The following RTF1 variants were observed in gnomAD, a reference collection of about 807,000 sequenced individuals.
RTF1 encodes the protein RTF1 homolog, Paf1/RNA polymerase II complex component, also known as RNA polymerase-associated protein RTF1 homolog.
In RTF1, 10 loss-of-function variants were observed where a neutral mutation model predicts 95.7. The observed-to-expected ratio is 0.10, with a 90% confidence interval of 0.06 to 0.18. The LOEUF (loss-of-function observed/expected upper bound fraction) is 0.18, where lower values mean the gene tolerates loss of function less well. RTF1 is among the 10% of genes least tolerant of loss of function. RTF1 has a pLI of 1.00. For synonymous variants in RTF1, 305 were observed against 311.8 expected, an observed-to-expected ratio of 0.98 and a Z score of 0.23; for missense variants, 458 against 875.6, an observed-to-expected ratio of 0.52 and a Z score of 6.02.
chr15:41,464,810 A>G lies in RTF1; in HGVS notation c.702A>G (p.Lys234=). The change falls in exon 5 of 18, where the codon AAA becomes AAG. Residue 234 remains lysine, a synonymous_variant. Coordinates refer to ENST00000389629, the MANE Select transcript of RTF1 (RefSeq NM_015138.5). ...AAAAACTAAAAACAGCCAAAAAGAA[A>G]GAAAAGAAAGAAAAGAAGAAAAAGC... ...IKKKLKTAKK[K]EKKEKKKKQE... 1.2e-5 allele frequency: 19 copies of G among 1,564,214 alleles called. No individual in the cohort carries two copies. The highest frequency in any genetic ancestry group is 1.6e-5 in the Non-Finnish European group (18 of 1,156,944).
chr15:41,463,773 T>G (rs974576046), intron 4 of RTF1, among the ~76,000 whole-genome samples: 1 of 151,702 alleles, frequency 6.6e-6, no homozygotes, highest in African/African-American at 2.4e-5. Flanking sequence ...TGAGCCACCG[T>G]GCCTGGCCTC....
At chr15:41,463,891 C>T (rs533157656) in intron 4 of RTF1, among the ~76,000 whole-genome samples, 16 of 152,206 alleles carry the variant, frequency 1.1e-4, no homozygotes, top group African/African-American at 3.6e-4. Context: ...CTCACTCTGT[C>T]GCCAGGCTGG....
Position 41,475,708 on chromosome 15 carries a change from C to T in RTF1, c.1375-4C>T, listed in dbSNP as rs200746683. On this transcript the variant is annotated splice_polypyrimidine_tract_variant and splice_region_variant and intron_variant, in intron 10 of 17. Coordinates refer to ENST00000389629, the MANE Select transcript of RTF1 (RefSeq NM_015138.5). ...AATAATCTCGTATCGTGTTTTTGAT[C>T]CAGATGTTCTCTGCTGGCATGCAGT... 4 of 1,606,776 alleles carry T rather than the reference C, an allele frequency of 2.5e-6. No individual in the cohort carries two copies. Among genetic ancestry groups the T allele is most frequent in the Non-Finnish European group, 3.4e-6 (4 of 1,173,958 alleles).
chr15:41,456,882 G>C (rs1047894773), intron 3 of RTF1, among the ~76,000 whole-genome samples: 1 of 150,382 alleles, frequency 6.6e-6, no homozygotes, highest in Admixed American at 6.6e-5. Flanking sequence ...TTGAGAGATC[G>C]AGACCATCCT....
At chr15:41,460,126 T>TTG (rs1555386644) in intron 4 of RTF1, among the ~76,000 whole-genome samples, 7,514 of 128,782 alleles carry the variant, frequency 0.058, 230 homozygotes, top group East Asian at 0.26. Context: ...TTTTTGTTTT[T>TTG]TTTTTTTTTT....
At position 41,474,622 on chromosome 15, in the gene RTF1, C is replaced by G; in HGVS notation, c.1206C>G (p.Val402=). Reference sequence around the variant, plus strand: ...GGCGTCTCTGTCCTCTCACTTAGGTCGCTGAGATTACGGGTGTTGTGGAAA... The same window carrying G: ...GGCGTCTCTGTCCTCTCACTTAGGTGGCTGAGATTACGGGTGTTGTGGAAA... ...GNHNSKPVYR[V]AEITGVVETA... The change falls in exon 9 of 18, where the codon GTC becomes GTG. Residue 402 remains valine (V), a splice_region_variant and synonymous_variant. Coordinates refer to ENST00000389629, the MANE Select transcript of RTF1 (RefSeq NM_015138.5). The G allele has an allele frequency of 1.9e-6, 3 of 1,612,058 alleles. No homozygotes were observed. Among genetic ancestry groups the G allele is most frequent in the Non-Finnish European group, 2.5e-6 (3 of 1,178,120 alleles).
intron 4 of RTF1, among the ~76,000 whole-genome samples, chr15:41,458,184 G>A (rs1004507639): frequency 3.9e-5 from 6 of 152,148 alleles, no homozygotes; most frequent in African/African-American, 1.4e-4. Context: ...AGAGGTAGAC[G>A]CTTAGGCTTA....
intron 2 of RTF1, among the ~76,000 whole-genome samples, chr15:41,444,910 C>A (rs933649636): frequency 6.6e-6 from 1 of 151,712 alleles, no homozygotes; most frequent in African/African-American, 2.4e-5. Flanking sequence ...TGCTCATGAG[C>A]TTTATTTTTA....
chr15:41,473,278 C>A (rs572795761), intron 8 of RTF1, among the ~76,000 whole-genome samples: 1 of 151,754 alleles, frequency 6.6e-6, no homozygotes, highest in South Asian at 2.1e-4. Context: ...GGACTACAGG[C>A]GCCCACCACC....
intron 8 of RTF1, among the ~76,000 whole-genome samples, chr15:41,474,082 G>A (rs1373235855): frequency 6.6e-6 from 1 of 152,004 alleles, no homozygotes; most frequent in Non-Finnish European, 1.5e-5. Flanking sequence ...TCTCTGTGTT[G>A]CTGAGGTTGG....
Position 41,464,822 on chromosome 15 carries a change from A to G in RTF1, c.714A>G (p.Glu238=). The G allele has an allele frequency of 6.4e-7, 1 of 1,562,584 alleles. No individual in the cohort carries two copies. The highest frequency in any genetic ancestry group is 8.7e-7 in the Non-Finnish European group (1 of 1,155,242). ...CAGCCAAAAAGAAAGAAAAGAAAGAAAAGAAGAAAAAGCAAGAAGAGGAGC... is the reference window on the plus strand; with the variant it reads ...CAGCCAAAAAGAAAGAAAAGAAAGAGAAGAAGAAAAAGCAAGAAGAGGAGC... ...LKTAKKKEKK[E]KKKKQEEEQE... Residue 238 remains glutamate (E), a synonymous_variant, in exon 5 of 18, where the codon GAA becomes GAG. Transcript: ENST00000389629.
chr15:41,422,451 A>G (rs999071849), intron 1 of RTF1, among the ~76,000 whole-genome samples: 1 of 152,220 alleles, frequency 6.6e-6, no homozygotes, highest in Non-Finnish European at 1.5e-5. Context: ...GGAAATAATA[A>G]TTTGAGGCAA....
intron 1 of RTF1, among the ~76,000 whole-genome samples, chr15:41,420,817 C>T (rs187199686): frequency 1.1e-3 from 167 of 152,210 alleles, no homozygotes; most frequent in Non-Finnish European, 9.6e-4. Context: ...TTAGAGGGTG[C>T]AGCAGTTCCC....
intron 8 of RTF1, among the ~76,000 whole-genome samples, chr15:41,472,902 C>T (rs1034141700): frequency 2.0e-5 from 3 of 151,730 alleles, no homozygotes; most frequent in Non-Finnish European, 4.4e-5. Flanking sequence ...GGGGTTTCAC[C>T]GTGTTAGCCA....
chr15:41,465,653 C>G (rs898715155), intron 5 of RTF1, among the ~76,000 whole-genome samples: 3 of 151,730 alleles, frequency 2.0e-5, no homozygotes, highest in Non-Finnish European at 2.9e-5. Flanking sequence ...AAAAAAAAAG[C>G]AGCCCACTAG....
intron 4 of RTF1, among the ~76,000 whole-genome samples, chr15:41,462,153 G>A (rs950530613): frequency 6.6e-6 from 1 of 152,004 alleles, no homozygotes. Flanking sequence ...TTAGTAGTTC[G>A]TTTGTTTAGC....
chr15:41,454,813 A>G (rs376413914), intron 3 of RTF1, among the ~76,000 whole-genome samples: 3 of 152,164 alleles, frequency 2.0e-5, no homozygotes, highest in Non-Finnish European at 4.4e-5. Context: ...AACTGTTGCT[A>G]TTTCAACTTA....
At chr15:41,442,344 T>C (rs2050740047) in intron 2 of RTF1, among the ~76,000 whole-genome samples, 4 of 151,880 alleles carry the variant, frequency 2.6e-5, no homozygotes, top group Non-Finnish European at 5.9e-5. Context: ...ATTTTTTGTA[T>C]TTTTAATAGA....
intron 1 of RTF1, among the ~76,000 whole-genome samples, chr15:41,437,070 G>C (rs370669196): frequency 7.3e-4 from 110 of 151,242 alleles, no homozygotes; most frequent in African/African-American, 2.4e-3. Flanking sequence ...CTGGGCGACA[G>C]AGCAAGACTC....
Sources: gnomAD v4.1 joint callset for allele counts (sites outside exome capture counted in the v4.1 genomes callset) on GRCh38, gnomAD v4.1.1 for gene constraint, MANE v1.5 for transcripts, NCBI Gene and HGNC (gene_info 2026-07-23, HGNC 2026-07-21) for gene names.